Variants in PIEZO1 observed in about 807,000 individuals in gnomAD.
PIEZO1 encodes the protein piezo type mechanosensitive ion channel component 1 (Er blood group).
A neutral mutation model predicts 297.2 loss-of-function variants in PIEZO1; 296 were observed. The observed-to-expected ratio is 1.00, with a 90% confidence interval of 0.91 to 1.10. The LOEUF (loss-of-function observed/expected upper bound fraction) is 1.10, where lower values mean the gene tolerates loss of function less well. Ranked by LOEUF, PIEZO1 falls within the 50% of genes least tolerant of loss-of-function variation. PIEZO1 has a pLI of 0.00. For synonymous variants in PIEZO1, 2,427 were observed against 1,507.5 expected, an observed-to-expected ratio of 1.61 and a Z score of -14.13; for missense variants, 5,018 against 3,455.5, an observed-to-expected ratio of 1.45 and a Z score of -11.34.
At chr16:88,783,794 G>C (rs1488754055) in intron 1 of PIEZO1, among the ~76,000 whole-genome samples, 1 of 152,184 alleles carries the variant, frequency 6.6e-6, no homozygotes, top group African/African-American at 2.4e-5. Flanking sequence ...CCACCTTTCT[G>C]TGCGACCGAT....
At position 88,723,014 on chromosome 16, in the gene PIEZO1, G is replaced by C; in HGVS notation, c.4496-5C>G. ...TCTGCACCACATGGCTCCGGCCTGCGGGAGGGCGGGAGGGGGCGCTGGAGG... is the reference window on the plus strand; with the variant it reads ...TCTGCACCACATGGCTCCGGCCTGCCGGAGGGCGGGAGGGGGCGCTGGAGG... On this transcript the variant is annotated splice_polypyrimidine_tract_variant and splice_region_variant and intron_variant, in intron 33 of 50. Transcript: ENST00000301015. 6.5e-7 allele frequency: 1 copy of C among 1,543,964 alleles called. No homozygotes were observed. The highest frequency in any genetic ancestry group is 8.7e-7 in the Non-Finnish European group (1 of 1,144,870).
chr16:88,756,934 G>A (rs1277123860), intron 1 of PIEZO1, among the ~76,000 whole-genome samples: 4 of 152,026 alleles, frequency 2.6e-5, no homozygotes, highest in Non-Finnish European at 4.4e-5. Flanking sequence ...AAAGTAGCCG[G>A]GTGTGGTGGC....
chr16:88,772,107 G>C (rs1453969455), intron 1 of PIEZO1, among the ~76,000 whole-genome samples: 2 of 148,524 alleles, frequency 1.3e-5, no homozygotes, highest in African/African-American at 2.5e-5. Context: ...AGGCCCTCCT[G>C]AGACTCTGGT....
intron 1 of PIEZO1, among the ~76,000 whole-genome samples, chr16:88,776,339 A>C (rs1597489400): frequency 6.6e-6 from 1 of 152,000 alleles, no homozygotes; most frequent in African/African-American, 2.4e-5. Context: ...GAGGCTGAGG[A>C]AGGAGAATGG....
intron 1 of PIEZO1, among the ~76,000 whole-genome samples, chr16:88,762,787 C>T (rs912515806): frequency 1.3e-5 from 2 of 152,208 alleles, no homozygotes; most frequent in African/African-American, 4.8e-5. Context: ...CCTCCCACAG[C>T]TTCAGCCGCC....
rs1794524069 is a variant in PIEZO1, at chr16:88,716,057, T to C, written c.7192A>G (p.Thr2398Ala). ...QLRREQGAGA[T>A]GFLEWWVIEL... is the part of the protein sequence containing the mutation. ...ATGACCCACCATTCGAGGAAGCCGG[T>C]GGCCCCCGCACCCTGCTCCCTCCGC... is the stretch of plus-strand genomic sequence containing the variant. Residue 2398 changes from threonine (T) to alanine (A), a missense_variant, in exon 50 of 51, where the codon ACC becomes GCC. Transcript: ENST00000301015. 4 of 1,550,202 alleles carry C rather than the reference T, an allele frequency of 2.6e-6. No homozygotes were observed. The highest frequency in any genetic ancestry group is 3.5e-6 in the Non-Finnish European group (4 of 1,146,906).
At chr16:88,739,373 C>T (rs1016791976) in intron 5 of PIEZO1, 1 of 152,336 alleles carries the variant, frequency 6.6e-6, no homozygotes, top group Non-Finnish European at 1.5e-5. Context: ...AGCCATTTCC[C>T]AAACACCAGG....
chr16:88,749,223 G>C (rs532451912), intron 2 of PIEZO1, among the ~76,000 whole-genome samples, 161 bp downstream of exon 2: 2 of 151,734 alleles, frequency 1.3e-5, no homozygotes, highest in Admixed American at 6.6e-5. Flanking sequence ...CTGGGCGACT[G>C]AGCGAGACTC....
At chr16:88,734,584 G>T in intron 15 of PIEZO1, 46 bp from the exon 16 acceptor site, 2 of 1,545,974 alleles carry the variant, frequency 1.3e-6, no homozygotes, top group East Asian at 2.4e-5. Context: ...CGGCAGAGCC[G>T]CTGCAGCCCC....
At chr16:88,731,952 T>TGGGGGGGGGGG (rs746719928) in intron 21 of PIEZO1, 42 bp from the exon 22 acceptor site, 2 of 307,728 alleles carry the variant, frequency 6.5e-6, no homozygotes, top group South Asian at 3.3e-5. Flanking sequence ...GCACTGAGTC[T>TGGGGGGGGGGG]GGGGGGAGGG....
rs1416003210 is a variant in PIEZO1, at chr16:88,742,287, C to T, written c.283+13G>A. ...AGGATGGCTATCCCTACCCCGCCCC[C>T]TCAGCGACTCACAGCTGGGTCCCAG... On this transcript the variant is annotated intron_variant, in intron 3 of 50. Coordinates refer to ENST00000301015, the MANE Select transcript of PIEZO1 (RefSeq NM_001142864.4). 3.9e-6 allele frequency: 6 copies of T among 1,528,910 alleles called. No individual in the cohort carries two copies. The highest frequency in any genetic ancestry group is 5.3e-6 in the Non-Finnish European group (6 of 1,142,608). The allele number at this position is 1,528,910 out of a possible 1,614,324, so 94.7% of individuals were successfully genotyped here.
chr16:88,764,556 G>T (rs1907080558), intron 1 of PIEZO1, among the ~76,000 whole-genome samples: 1 of 152,010 alleles, frequency 6.6e-6, no homozygotes, highest in Non-Finnish European at 1.5e-5. Context: ...TTCGAGACCA[G>T]CCTGGCCAAC....
At chr16:88,742,244 G>T (rs1323462540) in intron 3 of PIEZO1, 56 bp downstream of exon 3, 1 of 1,513,294 alleles carries the variant, frequency 6.6e-7, no homozygotes, top group Non-Finnish European at 8.8e-7. Context: ...TCACTGCAGG[G>T]CCCTCTCCCT....
chr16:88,769,758 G>A (rs1054553490), intron 1 of PIEZO1, among the ~76,000 whole-genome samples: 2 of 152,062 alleles, frequency 1.3e-5, no homozygotes, highest in African/African-American at 4.8e-5. Context: ...ATGTAGCTCT[G>A]GTGGGCGGAG....
Position 88,720,455 on chromosome 16 carries a change from A to G in PIEZO1, c.5879T>C (p.Val1960Ala). Residue 1960 changes from valine to alanine, a missense_variant, in exon 41 of 51, where the codon GTC becomes GCC. By Grantham distance (64) the Val-to-Ala change is moderately conservative. Coordinates refer to ENST00000301015, the MANE Select transcript of PIEZO1 (RefSeq NM_001142864.4). ...ATCAGCCAGGAACATGAGGGCATAGACGTCGGTGGCTGCGCGGTACTTGGT... is the reference window on the plus strand; with the variant it reads ...ATCAGCCAGGAACATGAGGGCATAGGCGTCGGTGGCTGCGCGGTACTTGGT... ...LHTKYRAATD[V>A]YALMFLADVV... is the part of the protein sequence containing the mutation. The G allele has an allele frequency of 7.1e-6, 11 of 1,550,432 alleles. No homozygotes were observed. The highest frequency in any genetic ancestry group is 9.6e-6 in the Non-Finnish European group (11 of 1,146,958).
chr16:88,760,770 C>T (rs1239325127), intron 1 of PIEZO1, among the ~76,000 whole-genome samples: 4 of 152,212 alleles, frequency 2.6e-5, no homozygotes, highest in Non-Finnish European at 5.9e-5. Context: ...CACCCGCCTT[C>T]GACGCAGCAG....
At chr16:88,775,593 G>A (rs1907619377) in intron 1 of PIEZO1, among the ~76,000 whole-genome samples, 1 of 152,080 alleles carries the variant, frequency 6.6e-6, no homozygotes, top group South Asian at 2.1e-4. Flanking sequence ...GCCGGGTGTG[G>A]TGGTGGGCAC....
At chr16:88,737,287 C>T (rs933803170) in intron 10 of PIEZO1, 3 of 418,546 alleles carry the variant, frequency 7.2e-6, no homozygotes, top group Non-Finnish European at 1.3e-5. Flanking sequence ...GTTGGGGGAC[C>T]TGGAGGCCCC....
Position 88,734,938 on chromosome 16 carries a change from G to A in PIEZO1, c.1785C>T (p.Gly595=), listed in dbSNP as rs541880154. The change falls in exon 14 of 51, where the codon GGC becomes GGT. Residue 595 remains glycine, a synonymous_variant. Coordinates refer to ENST00000301015, the MANE Select transcript of PIEZO1 (RefSeq NM_001142864.4). ...AGMFIVVSFA[G]RLVVYKIVYM... is the part of the protein sequence containing the mutation. ...AGACAATCTTGTAGACCACGAGGCG[G>A]CCGGCGAAGCTGACCACGATGAACA... is the stretch of plus-strand genomic sequence containing the variant. The A allele has an allele frequency of 8.3e-5, 129 of 1,550,462 alleles. 5 individuals are homozygous for A. The South Asian group carries it at 1.4e-3, about 17-fold the overall frequency.
Sources: gnomAD v4.1 joint callset for allele counts (sites outside exome capture counted in the v4.1 genomes callset) on GRCh38, gnomAD v4.1.1 for gene constraint, MANE v1.5 for transcripts, NCBI Gene and HGNC (gene_info 2026-07-23, HGNC 2026-07-21) for gene names.